The following PTPRG variants were observed in gnomAD, a reference collection of about 807,000 sequenced individuals.
PTPRG encodes receptor-type tyrosine-protein phosphatase gamma.
A neutral mutation model predicts 165.3 loss-of-function variants in PTPRG; 102 were observed. The ratio of observed to expected loss-of-function variants is 0.62; its 90% confidence interval spans 0.53 to 0.73. PTPRG has a LOEUF of 0.73. PTPRG is among the 30% of genes least tolerant of loss of function. The pLI, the probability that PTPRG is intolerant of heterozygous loss-of-function variation, is 0.00. For synonymous variants in PTPRG, 675 were observed against 669.5 expected, an observed-to-expected ratio of 1.01 and a Z score of -0.13; for missense variants, 1,866 against 1,861.4, an observed-to-expected ratio of 1.00 and a Z score of -0.05.
intron 2 of PTPRG, among the ~76,000 whole-genome samples, chr3:61,877,069 G>A (rs1159644208): frequency 6.6e-6 from 1 of 151,946 alleles, no homozygotes; most frequent in Non-Finnish European, 1.5e-5. Flanking sequence ...TTTGCCTTGT[G>A]CAATCTTTGC....
At chr3:62,230,203 A>G (rs542193465) in intron 13 of PTPRG, among the ~76,000 whole-genome samples, 4 of 152,164 alleles carry the variant, frequency 2.6e-5, no homozygotes, top group Non-Finnish European at 4.4e-5. Flanking sequence ...CCCAATATGG[A>G]GTCTAATAAT....
At chr3:61,961,472 G>A (rs1258641450) in intron 2 of PTPRG, among the ~76,000 whole-genome samples, 1 of 152,136 alleles carries the variant, frequency 6.6e-6, no homozygotes, top group African/African-American at 2.4e-5. Context: ...AGGTCAGATT[G>A]ATGTCTGTTT....
intron 2 of PTPRG, among the ~76,000 whole-genome samples, chr3:61,751,512 G>C (rs1216635883): frequency 6.6e-6 from 1 of 152,144 alleles, no homozygotes; most frequent in Non-Finnish European, 1.5e-5. Flanking sequence ...ATAATGCCAT[G>C]GGTGCTTTAG....
chr3:61,624,692 A>C lies in PTPRG; in HGVS notation c.85+62320A>C, dbSNP rs1404376586. ...ACTTAACCTCAGGTTCTGCATCTGC[A>C]AAATGAGCATAATAGTACTCACCTT... On this transcript the variant is annotated intron_variant, in intron 1 of 29. Coordinates refer to ENST00000474889, the MANE Select transcript of PTPRG (RefSeq NM_002841.4). Among the ~76,000 whole-genome samples, 5 of 152,236 alleles carry C rather than the reference A, an allele frequency of 3.3e-5. No homozygotes were observed. In the South Asian group the frequency reaches 6.2e-4, roughly 19 times the overall value.
Position 62,243,908 on chromosome 3 carries a change from A to T in PTPRG, c.2467+10A>T, listed in dbSNP as rs1381656288. On this transcript the variant is annotated intron_variant, in intron 15 of 29. Coordinates refer to ENST00000474889, the MANE Select transcript of PTPRG (RefSeq NM_002841.4). Reference sequence around the variant, plus strand: ...ATTATTCCTATTCCGGGTAAGTAAGACACTGCTCTTATTTCCAATGGGCTA... The same window carrying T: ...ATTATTCCTATTCCGGGTAAGTAAGTCACTGCTCTTATTTCCAATGGGCTA... The T allele has an allele frequency of 4.2e-6, 6 of 1,430,086 alleles. No individual in the cohort carries two copies. Among genetic ancestry groups the T allele is most frequent in the Non-Finnish European group, 5.9e-6 (6 of 1,021,934 alleles). The allele number at this position is 1,430,086 out of a possible 1,614,324, so 88.6% of individuals were successfully genotyped here. A position where few individuals can be genotyped will look rare whatever the true frequency, so the allele number is the denominator to read the frequency against.
intron 1 of PTPRG, among the ~76,000 whole-genome samples, chr3:61,585,418 A>G (rs760390158): frequency 6.6e-6 from 1 of 152,090 alleles, no homozygotes; most frequent in Non-Finnish European, 1.5e-5. Context: ...ATTTGGTACT[A>G]TAGCCATTGG....
intron 2 of PTPRG, among the ~76,000 whole-genome samples, chr3:61,834,933 A>G (rs1174576323): frequency 6.6e-6 from 1 of 152,166 alleles, no homozygotes; most frequent in Non-Finnish European, 1.5e-5. Context: ...ATTGAATTAT[A>G]TTTCATCTAG....
chr3:61,986,960 T>C (rs1317835425), intron 2 of PTPRG, among the ~76,000 whole-genome samples: 2 of 152,100 alleles, frequency 1.3e-5, no homozygotes, highest in African/African-American at 2.4e-5. Context: ...TTCAAATTTG[T>C]GAAAAACAAA....
At chr3:61,817,195 T>G (rs753988645) in intron 2 of PTPRG, among the ~76,000 whole-genome samples, 32,441 of 135,534 alleles carry the variant, frequency 0.24, 4,085 homozygotes, top group East Asian at 0.36. Context: ...TAAAATAATA[T>G]ATATAATAAT....
In PTPRG at chr3:62,287,097, G is replaced by A. The variant is rs575272701; in HGVS notation, c.4055+4228G>A. On this transcript the variant is annotated intron_variant, in intron 28 of 29. Transcript: ENST00000474889. Reference sequence around the variant, plus strand: ...AAAGGTGAGAATAATCTCACATGGAGTGCATGCATACTCCGTAAAAACATA... The same window carrying A: ...AAAGGTGAGAATAATCTCACATGGAATGCATGCATACTCCGTAAAAACATA... 2.0e-3 allele frequency among the ~76,000 whole-genome samples: 302 copies of A among 152,236 alleles called. 1 individual carries two copies. The highest frequency in any genetic ancestry group is 7.0e-3 in the African/African-American group (292 of 41,530).
At chr3:62,009,187 T>TA (rs1490800612) in intron 4 of PTPRG, among the ~76,000 whole-genome samples, 1 of 152,224 alleles carries the variant, frequency 6.6e-6, no homozygotes, top group Non-Finnish European at 1.5e-5. Context: ...GTCTCATGCC[T>TA]ATTGAGTGAC....
chr3:61,587,975 A>G (rs2106814559), intron 1 of PTPRG, among the ~76,000 whole-genome samples: 1 of 151,126 alleles, frequency 6.6e-6, no homozygotes, highest in South Asian at 2.1e-4. Context: ...TTTTTTTTAA[A>G]CTTTTTTTCT....
At chr3:62,069,679 C>CTG (rs1253101516) in intron 4 of PTPRG, among the ~76,000 whole-genome samples, 32 of 148,568 alleles carry the variant, frequency 2.2e-4, no homozygotes, top group African/African-American at 6.9e-4. Flanking sequence ...CTCTCTCTCT[C>CTG]TCTCTCACAC....
At chr3:62,250,647 C>T (rs924989786) in intron 15 of PTPRG, among the ~76,000 whole-genome samples, 2 of 152,082 alleles carry the variant, frequency 1.3e-5, no homozygotes, top group African/African-American at 2.4e-5. Context: ...CAAGTACGGC[C>T]GATACATAAC....
intron 14 of PTPRG, among the ~76,000 whole-genome samples, chr3:62,242,127 C>T (rs917915106): frequency 9.2e-5 from 14 of 152,192 alleles, no homozygotes; most frequent in African/African-American, 2.4e-5. Flanking sequence ...ATTTGTTTCA[C>T]ATAGATTTCC....
intron 1 of PTPRG, among the ~76,000 whole-genome samples, chr3:61,685,094 C>A (rs1327636274): frequency 6.6e-6 from 1 of 152,174 alleles, no homozygotes; most frequent in Non-Finnish European, 1.5e-5. Flanking sequence ...TTCTTAAGTA[C>A]AAGACTGCCT....
chr3:62,066,863 C>A (rs62243347), intron 4 of PTPRG, among the ~76,000 whole-genome samples: 1 of 151,958 alleles, frequency 6.6e-6, no homozygotes, highest in Non-Finnish European at 1.5e-5. Flanking sequence ...CATGGTGAAA[C>A]CCCCTCTCTG....
At chr3:62,201,243 T>C (rs936133025) in intron 10 of PTPRG, among the ~76,000 whole-genome samples, 1 of 152,190 alleles carries the variant, frequency 6.6e-6, no homozygotes, top group Admixed American at 6.5e-5. Flanking sequence ...ACAGTAAAAA[T>C]TGAAAAATAA....
chr3:62,053,704 T>C (rs1026707368), intron 4 of PTPRG, among the ~76,000 whole-genome samples: 4 of 152,212 alleles, frequency 2.6e-5, no homozygotes, highest in Admixed American at 2.0e-4. Flanking sequence ...CAGTAAGTTA[T>C]ATTGAGGGAC....
Sources: gnomAD v4.1 joint callset for allele counts (sites outside exome capture counted in the v4.1 genomes callset) on GRCh38, gnomAD v4.1.1 for gene constraint, MANE v1.5 for transcripts, NCBI Gene and HGNC (gene_info 2026-07-23, HGNC 2026-07-21) for gene names.